AUTS2: variants seen among roughly 807,000 people sequenced by gnomAD.
AUTS2 encodes autism susceptibility gene 2 protein.
A neutral mutation model predicts 112.4 loss-of-function variants in AUTS2; 17 were observed. The observed-to-expected ratio is 0.15, with a 90% CI of 0.10 to 0.23. AUTS2 has a LOEUF of 0.23. Ranked by LOEUF, AUTS2 falls within the 10% of genes least tolerant of loss-of-function variation. The pLI is 1.00. For missense variants in AUTS2, 1,510 were observed against 1,701.6 expected, an observed-to-expected ratio of 0.89 and a Z score of 1.98; for synonymous variants, 751 against 702.7, an observed-to-expected ratio of 1.07 and a Z score of -1.09.
intron 4 of AUTS2, among the ~76,000 whole-genome samples, chr7:70,415,895 C>T (rs1490407263): frequency 1.3e-5 from 2 of 152,188 alleles, no homozygotes; most frequent in Non-Finnish European, 2.9e-5. Context: ...CACACAGCGC[C>T]GACAGCTGAG....
chr7:69,734,484 A>T (rs571138484), intron 1 of AUTS2, among the ~76,000 whole-genome samples: 2 of 151,268 alleles, frequency 1.3e-5, no homozygotes, highest in South Asian at 4.2e-4. Flanking sequence ...GATCACTGGG[A>T]TTGAGGGGGA....
At chr7:70,373,416 GA>G (rs1283287196) in intron 4 of AUTS2, among the ~76,000 whole-genome samples, 3 of 152,148 alleles carry the variant, frequency 2.0e-5, no homozygotes, top group Non-Finnish European at 4.4e-5. Flanking sequence ...GTGAATATTG[GA>G]TAACAAGGGT....
At chr7:70,390,854 T>G (rs1223580799) in intron 4 of AUTS2, among the ~76,000 whole-genome samples, 2 of 152,190 alleles carry the variant, frequency 1.3e-5, no homozygotes, top group Non-Finnish European at 2.9e-5. Context: ...TGATTCAGAA[T>G]TAACCTGGGA....
chr7:70,408,136 G>A (rs1452314959), intron 4 of AUTS2, among the ~76,000 whole-genome samples: 3 of 150,506 alleles, frequency 2.0e-5, no homozygotes, highest in African/African-American at 4.9e-5. Context: ...AATTGTAATC[G>A]CACCACTGCA....
chr7:70,560,429 A>T (rs1029948506), intron 5 of AUTS2, among the ~76,000 whole-genome samples: 10 of 152,252 alleles, frequency 6.6e-5, no homozygotes, highest in Non-Finnish European at 1.3e-4. Context: ...ATGGTCTTCC[A>T]TTGGAAAATC....
At chr7:69,820,123 G>C (rs1207078899) in intron 1 of AUTS2, among the ~76,000 whole-genome samples, 1 of 152,156 alleles carries the variant, frequency 6.6e-6, no homozygotes, top group South Asian at 2.1e-4. Flanking sequence ...ATACATGCAG[G>C]ACTGATAAAG....
At chr7:70,776,424 AG>A (rs1790691747) in intron 13 of AUTS2, among the ~76,000 whole-genome samples, 1 of 152,178 alleles carries the variant, frequency 6.6e-6, no homozygotes, top group Non-Finnish European at 1.5e-5. Flanking sequence ...TCAACCCCAG[AG>A]GGTGGAGGAT....
rs779403286 is a variant in AUTS2 at position 70,766,875 on chromosome 7, A to G, written c.1689+541A>G. 1.8e-4 allele frequency among the ~76,000 whole-genome samples: 27 copies of G among 152,236 alleles called. No individual in the cohort carries two copies. Among genetic ancestry groups the G allele is most frequent in the African/African-American group, 6.3e-4 (26 of 41,448 alleles). ...CTTGTGTTTCATAAGACAGTCCCTA[A>G]TCTGGTATTGTGCTCTGTCAGCCAG... is the stretch of plus-strand genomic sequence containing the variant. On this transcript the variant is annotated intron_variant, in intron 9 of 18. Coordinates refer to ENST00000342771, the MANE Select transcript of AUTS2 (RefSeq NM_015570.4). This position sits in a 1 kb window ranked among gnomAD's most constrained non-coding sequence, Gnocchi z 4.8.
At chr7:70,394,182 C>T (rs1480966563) in intron 4 of AUTS2, among the ~76,000 whole-genome samples, 9 of 152,162 alleles carry the variant, frequency 5.9e-5, no homozygotes, top group Non-Finnish European at 1.5e-5. Context: ...AAAAATCAGG[C>T]CAAGCCTCTT....
intron 4 of AUTS2, among the ~76,000 whole-genome samples, chr7:70,137,980 T>A (rs1806660842): frequency 6.6e-6 from 1 of 152,236 alleles, no homozygotes; most frequent in African/African-American, 2.4e-5. Context: ...AGGGTATTCA[T>A]CCTCTGTGAT....
chr7:70,070,461 T>G (rs1311751812), intron 2 of AUTS2, among the ~76,000 whole-genome samples: 2 of 150,418 alleles, frequency 1.3e-5, no homozygotes, highest in African/African-American at 4.9e-5. Context: ...TGCCTGTAAT[T>G]CCAGCTGCTC....
intron 5 of AUTS2, among the ~76,000 whole-genome samples, chr7:70,676,916 T>A (rs1807942956): frequency 2.0e-5 from 3 of 152,200 alleles, no homozygotes; most frequent in Non-Finnish European, 4.4e-5. Context: ...TTCCAGTCCT[T>A]CTCTGTTACA....
intron 2 of AUTS2, among the ~76,000 whole-genome samples, chr7:69,928,459 C>A (rs559388070): frequency 2.1e-4 from 32 of 152,310 alleles, no homozygotes; most frequent in Admixed American, 2.0e-3. Context: ...GCTGTCTGTG[C>A]CAGGAGGCAC....
intron 5 of AUTS2, among the ~76,000 whole-genome samples, chr7:70,456,627 G>A (rs1375664193): frequency 1.3e-5 from 2 of 152,220 alleles, no homozygotes; most frequent in East Asian, 3.9e-4. Flanking sequence ...GGGCAGGCAG[G>A]CCAGCCTTCT....
intron 1 of AUTS2, among the ~76,000 whole-genome samples, chr7:69,618,188 G>A (rs1793478170): frequency 6.6e-6 from 1 of 152,198 alleles, no homozygotes; most frequent in South Asian, 2.1e-4. Flanking sequence ...CTGACAAAGA[G>A]GAGGGGGATG....
intron 2 of AUTS2, among the ~76,000 whole-genome samples, chr7:70,003,180 A>ATATAT (rs1563029144): frequency 8.1e-6 from 1 of 122,938 alleles, no homozygotes; most frequent in Non-Finnish European, 1.6e-5. Flanking sequence ...TATTATATGA[A>ATATAT]TATATTATAT....
intron 5 of AUTS2, among the ~76,000 whole-genome samples, chr7:70,597,008 T>G (rs1386858180): frequency 6.6e-6 from 1 of 152,150 alleles, no homozygotes; most frequent in Non-Finnish European, 1.5e-5. Flanking sequence ...TCAGTTTAAT[T>G]AAGAGTTTAT....
At chr7:70,356,936 C>A (rs1367142173) in intron 4 of AUTS2, among the ~76,000 whole-genome samples, 1 of 152,122 alleles carries the variant, frequency 6.6e-6, no homozygotes, top group Non-Finnish European at 1.5e-5. Flanking sequence ...CCTGTTGCTT[C>A]AAAATGACCC....
intron 5 of AUTS2, among the ~76,000 whole-genome samples, chr7:70,550,975 T>G (rs533210390): frequency 2.6e-5 from 4 of 152,138 alleles, no homozygotes; most frequent in Non-Finnish European, 1.5e-5. Flanking sequence ...GAGTATGTTA[T>G]GGTGCCAGAA....
Sources: allele counts gnomAD v4.1 joint callset (sites outside exome capture counted in the v4.1 genomes callset), GRCh38; gene constraint gnomAD v4.1.1; non-coding constraint Gnocchi (gnomAD v3.1); transcripts MANE v1.5; gene names NCBI Gene and HGNC (gene_info 2026-07-23, HGNC 2026-07-21).